GNB4: variants seen among roughly 807,000 people sequenced by gnomAD.
GNB4 encodes G protein subunit beta 4.
GNB4 carries 28 observed loss-of-function variants against 45.2 expected under a neutral mutation model. That is an observed-to-expected ratio of 0.62 (90% confidence interval 0.46 to 0.85). GNB4 has a LOEUF of 0.85. Ranked by LOEUF, GNB4 falls within the 40% of genes least tolerant of loss-of-function variation. The probability of loss-of-function intolerance (pLI) is 0.00; values close to 1 mark genes in which losing one functional copy is unlikely to be tolerated. For synonymous variants in GNB4, 132 were observed against 143.7 expected, an observed-to-expected ratio of 0.92 and a Z score of 0.58; for missense variants, 321 against 425.4, an observed-to-expected ratio of 0.75 and a Z score of 2.16.
chr3:179,454,782 C>G (rs1715954290), upstream of GNB4, among the ~76,000 whole-genome samples: 1 of 152,042 alleles, frequency 6.6e-6, no homozygotes, highest in Admixed American at 6.5e-5. Flanking sequence ...TGAAATGAGG[C>G]CAAATTATAT....
At chr3:179,488,998 AAAAAAAAAAAAAAAAAAAAAAATATAT>A in the GNB4 span, among the ~76,000 whole-genome samples, 4 of 30,436 alleles carry the variant, frequency 1.3e-4, 1 homozygote, top group African/African-American at 6.3e-4. Context: ...AAAAAAAAAA[AAAAAAAAAAAAAAAAAAAAAAATATAT>A]ATATATATAT....
At chr3:179,486,730 A>G in the GNB4 span, among the ~76,000 whole-genome samples, 2 of 152,310 alleles carry the variant, frequency 1.3e-5, no homozygotes, top group South Asian at 4.1e-4. Flanking sequence ...TTAAAAACAA[A>G]AGTTTTGCCC....
upstream of GNB4, among the ~76,000 whole-genome samples, chr3:179,454,462 T>C (rs1217305114): frequency 2.6e-5 from 4 of 152,214 alleles, no homozygotes; most frequent in Non-Finnish European, 5.9e-5. Flanking sequence ...ATTGCTTTTC[T>C]AGGAGTTTAG....
the GNB4 span, among the ~76,000 whole-genome samples, chr3:179,489,001 AAAAAAAAAAAAAAAAAAAAT>A: frequency 4.7e-4 from 16 of 33,696 alleles, 5 homozygotes; most frequent in Non-Finnish European, 6.6e-4. Context: ...AAAAAAAAAA[AAAAAAAAAAAAAAAAAAAAT>A]ATATATATAT....
At chr3:179,520,189 G>A in the GNB4 span, among the ~76,000 whole-genome samples, 9 of 139,234 alleles carry the variant, frequency 6.5e-5, no homozygotes, top group East Asian at 2.5e-4. Flanking sequence ...ACACCCATCA[G>A]GCTCAGCAAA....
chr3:179,430,039 C>T (rs577998448), intron 1 of GNB4, among the ~76,000 whole-genome samples: 4 of 147,808 alleles, frequency 2.7e-5, no homozygotes, highest in African/African-American at 7.4e-5. Context: ...TCATATTCCT[C>T]ATCTTCCTTG....
At chr3:179,515,002 G>T in the GNB4 span, among the ~76,000 whole-genome samples, 2 of 151,818 alleles carry the variant, frequency 1.3e-5, no homozygotes, top group Non-Finnish European at 2.9e-5. Flanking sequence ...AAATAAGTGA[G>T]ATTGACTTTA....
At chr3:179,458,921 A>G in the GNB4 span, among the ~76,000 whole-genome samples, 1 of 152,244 alleles carries the variant, frequency 6.6e-6, no homozygotes, top group Non-Finnish European at 1.5e-5. Flanking sequence ...CTGCTTTTAA[A>G]CAAATTTCCT....
Position 179,399,797 on chromosome 3 carries a change from C to G in GNB4, c.*1416G>C, listed in dbSNP as rs147885275. The stretch of plus-strand genomic sequence containing the variant: ...AACTAAGTTACAAAACAATGCACGT[C>G]TATATATCAGAATAATCCAAGACTT... On this transcript the variant is annotated 3_prime_UTR_variant, in exon 10 of 10. Coordinates refer to ENST00000232564, the MANE Select transcript of GNB4 (RefSeq NM_021629.4). The G allele has an allele frequency of 1.3e-4, 20 of 152,272 alleles. No individual in the cohort carries two copies. The East Asian group carries it at 3.9e-3, about 29-fold the overall frequency. The allele number at this position is 152,272 out of a possible 1,614,324, so 9.4% of individuals were successfully genotyped here.
the GNB4 span, among the ~76,000 whole-genome samples, chr3:179,475,196 C>G: frequency 8.5e-5 from 13 of 152,050 alleles, no homozygotes; most frequent in African/African-American, 3.1e-4. Context: ...CAGCTCGCTG[C>G]AACCTCCACC....
At chr3:179,421,192 C>A (rs1434016589) in intron 2 of GNB4, among the ~76,000 whole-genome samples, 2 of 152,212 alleles carry the variant, frequency 1.3e-5, no homozygotes, top group South Asian at 2.1e-4. Flanking sequence ...AAAAAAGAAA[C>A]CCCATATCTC....
the GNB4 span, among the ~76,000 whole-genome samples, chr3:179,525,975 G>A: frequency 2.0e-5 from 3 of 152,342 alleles, no homozygotes; most frequent in African/African-American, 7.2e-5. Context: ...ACGCGTCTGT[G>A]TGAAGAGACC....
the GNB4 span, among the ~76,000 whole-genome samples, chr3:179,505,204 A>G: frequency 6.6e-6 from 1 of 152,204 alleles, no homozygotes; most frequent in Admixed American, 6.5e-5. Flanking sequence ...AGGAAGATGT[A>G]GAACAAGTAG....
chr3:179,416,446 G>A (rs1714801475), intron 5 of GNB4, 47 bp downstream of exon 5: 1 of 1,152,364 alleles, frequency 8.7e-7, no homozygotes, highest in East Asian at 2.5e-5. Context: ...CTGGTGAACA[G>A]CCAAACAAAT....
the GNB4 span, among the ~76,000 whole-genome samples, chr3:179,507,362 A>C: frequency 6.6e-6 from 1 of 152,094 alleles, no homozygotes; most frequent in South Asian, 2.1e-4. Context: ...GGGTTCACTG[A>C]AAGGGAGAAA....
At position 179,400,949 on chromosome 3, in the gene GNB4, C is replaced by CT; in HGVS notation, c.*263dup. 3.1e-6 allele frequency: 1 copy of CT among 327,224 alleles called. No individual in the cohort carries two copies. Among genetic ancestry groups the CT allele is most frequent in the South Asian group, 8.5e-5 (1 of 11,710 alleles). 20.3% of individuals were successfully genotyped at this position (327,224 alleles called of 1,614,324 possible). A position where few individuals can be genotyped will look rare whatever the true frequency, so the allele number is the denominator to read the frequency against. On this transcript the variant is annotated 3_prime_UTR_variant, in exon 10 of 10. Coordinates refer to ENST00000232564, the MANE Select transcript of GNB4 (RefSeq NM_021629.4). ...CTGTTCTACACAAAGAAAATACACT[C>CT]TGAGTACACACAACAATTCACCAAG...
At chr3:179,419,366 G>C (rs1010015779) in intron 4 of GNB4, 33 bp downstream of exon 4, 2 of 1,216,780 alleles carry the variant, frequency 1.6e-6, no homozygotes, top group African/African-American at 3.0e-5. Flanking sequence ...TTCTGCAACA[G>C]TTTAAAAATG....
chr3:179,404,114 AAG>A (rs1360927470), intron 9 of GNB4, among the ~76,000 whole-genome samples: 2 of 152,238 alleles, frequency 1.3e-5, no homozygotes, highest in African/African-American at 4.8e-5. Flanking sequence ...CATAGAAACT[AAG>A]AATATAAACC....
the GNB4 span, among the ~76,000 whole-genome samples, chr3:179,497,313 G>T: frequency 3.3e-5 from 5 of 152,108 alleles, no homozygotes; most frequent in South Asian, 1.0e-3. Context: ...TGAAAAGAAG[G>T]AAACAGACCT....
Sources: gnomAD v4.1 joint callset for allele counts (sites outside exome capture counted in the v4.1 genomes callset) on GRCh38, gnomAD v4.1.1 for gene constraint, MANE v1.5 for transcripts, NCBI Gene and HGNC (gene_info 2026-07-23, HGNC 2026-07-21) for gene names.